Variants in IL31RA observed in about 807,000 individuals in gnomAD.
The protein encoded by IL31RA is interleukin 31 receptor A, also known as interleukin-31 receptor subunit alpha.
Under a neutral mutation model 83.7 loss-of-function variants are expected in IL31RA, and 66 were observed. That is an observed-to-expected ratio of 0.79 (90% CI 0.65 to 0.97). The LOEUF is 0.97. IL31RA is among the 50% of genes least tolerant of loss of function. IL31RA has a pLI of 0.00. For synonymous variants in IL31RA, 325 were observed against 329.0 expected (o/e 0.99, Z 0.13); for missense variants, 798 against 919.4 (o/e 0.87, Z 1.71).
At chr5:55,845,805 C>T in the IL31RA span, among the ~76,000 whole-genome samples, 62 of 152,120 alleles carry the variant, frequency 4.1e-4, no homozygotes, top group Non-Finnish European at 5.1e-4. Flanking sequence ...AGTGTGAGAA[C>T]GGACTAATAC....
rs754856695 is a variant in IL31RA, at chr5:55,916,851, T to G, written c.2026T>G (p.Phe676Val). ...GEKNGYVTCP[F>V]RPDCPLGKSF... ...AAAGAATGGGTATGTGACCTGCCCCTTCAGGCCTGATTGTCCCCTGGGGAA... is the reference window on the plus strand; with the variant it reads ...AAAGAATGGGTATGTGACCTGCCCCGTCAGGCCTGATTGTCCCCTGGGGAA... Residue 676 changes from phenylalanine (F) to valine (V), a missense_variant, in exon 15 of 15, where the codon TTC becomes GTC. By Grantham distance (50) the Phe-to-Val change is conservative. Coordinates refer to ENST00000652347, the MANE Select transcript of IL31RA (RefSeq NM_139017.7). The G allele has an allele frequency of 2.1e-5, 34 of 1,614,066 alleles. No homozygotes were observed. In the South Asian group the frequency reaches 3.7e-4, roughly 18 times the overall value.
chr5:55,880,806 A>T (rs1013579956), intron 4 of IL31RA, among the ~76,000 whole-genome samples: 5 of 152,248 alleles, frequency 3.3e-5, no homozygotes, highest in Non-Finnish European at 7.3e-5. Flanking sequence ...GATCAAGACC[A>T]GCCTTTGTCC....
chr5:55,855,619 C>A (rs896872627), intron 1 of IL31RA, among the ~76,000 whole-genome samples: 2 of 152,100 alleles, frequency 1.3e-5, no homozygotes, highest in African/African-American at 4.8e-5. Context: ...TGTGAAGTAT[C>A]CATTTTATGG....
chr5:55,867,120 TG>T (rs1746119748), intron 2 of IL31RA, among the ~76,000 whole-genome samples: 4 of 135,020 alleles, frequency 3.0e-5, no homozygotes, highest in South Asian at 5.0e-4. Context: ...TGCATGTGTG[TG>T]TTTGTGTGTG....
intron 5 of IL31RA, among the ~76,000 whole-genome samples, chr5:55,886,636 T>G (rs1198970096): frequency 6.6e-6 from 1 of 152,184 alleles, no homozygotes; most frequent in Non-Finnish European, 1.5e-5. Context: ...AACCCAACTC[T>G]GCTCTTCCCA....
In IL31RA at chr5:55,913,699, G is replaced by T; in HGVS notation, c.1736+129G>T. On this transcript the variant is annotated intron_variant, in intron 13 of 14. Coordinates refer to ENST00000652347, the MANE Select transcript of IL31RA (RefSeq NM_139017.7). ...GTTCATTCATTTATTAACTTGGTGC[G>T]TATTTATTGAGGTTATTAAAGGCCA... is the stretch of plus-strand genomic sequence containing the variant. 21 of 727,486 alleles carry T rather than the reference G, an allele frequency of 2.9e-5. 1 individual carries two copies. Among genetic ancestry groups the T allele is most frequent in the South Asian group, 2.8e-4 (19 of 68,460 alleles). The allele number at this position is 727,486 out of a possible 1,614,324, so 45.1% of individuals were successfully genotyped here. A position where few individuals can be genotyped will look rare whatever the true frequency, so the allele number is the denominator to read the frequency against.
In IL31RA at chr5:55,899,963, A is replaced by G; in HGVS notation, c.900A>G (p.Ile300Met). The change falls in exon 8 of 15, where the codon ATA becomes ATG. Residue 300 changes from isoleucine to methionine, a missense_variant. By Grantham distance (10) the Ile-to-Met change is conservative (BLOSUM62 1). Coordinates refer to ENST00000652347, the MANE Select transcript of IL31RA (RefSeq NM_139017.7). ...TAGAGAAAACACTTGGCTACAACAT[A>G]TGGTACTATCCAGAAAGCAACACTA... ...PVLEKTLGYN[I>M]WYYPESNTNL... 3.1e-6 allele frequency: 5 copies of G among 1,614,226 alleles called. No homozygotes were observed. Among genetic ancestry groups the G allele is most frequent in the Non-Finnish European group, 4.2e-6 (5 of 1,180,024 alleles).
Position 55,888,004 on chromosome 5 carries a change from C to T in IL31RA, c.607-1966C>T, listed in dbSNP as rs187773854. The stretch of plus-strand genomic sequence containing the variant: ...GGCAGAGGTTGCAGTGAGCCAAGAT[C>T]GTGCCACTGCACTCCAGCCTGGGCA... On this transcript the variant is annotated intron_variant, in intron 5 of 14. Coordinates refer to ENST00000652347, the MANE Select transcript of IL31RA (RefSeq NM_139017.7). 1.8e-3 allele frequency among the ~76,000 whole-genome samples: 267 copies of T among 150,624 alleles called. 3 individuals are homozygous for T. Among genetic ancestry groups the T allele is most frequent in the African/African-American group, 6.3e-3 (258 of 40,890 alleles).
At chr5:55,908,171 T>G in intron 10 of IL31RA, 94 bp from the exon 11 acceptor site, 1 of 1,570,762 alleles carries the variant, frequency 6.4e-7, no homozygotes, top group Non-Finnish European at 8.7e-7. Context: ...TCCAGCACTA[T>G]GGTTTGGTCT....
intron 6 of IL31RA, among the ~76,000 whole-genome samples, chr5:55,895,195 T>C (rs1220501265): frequency 1.3e-5 from 2 of 152,246 alleles, no homozygotes; most frequent in Admixed American, 6.5e-5. Context: ...GTGCAACTAC[T>C]GCAGCTTTGA....
chr5:55,841,358 C>T, the IL31RA span, among the ~76,000 whole-genome samples: 1 of 152,170 alleles, frequency 6.6e-6, no homozygotes, highest in Non-Finnish European at 1.5e-5. Context: ...TTTCTTAAAA[C>T]TAAGTTACTT....
intron 4 of IL31RA, among the ~76,000 whole-genome samples, chr5:55,875,476 C>A (rs1183493527): frequency 6.6e-6 from 1 of 152,002 alleles, no homozygotes; most frequent in African/African-American, 2.4e-5. Flanking sequence ...TCAGTGAAGC[C>A]ATCTGGGCCT....
chr5:55,909,368 T>C (rs765447562), intron 11 of IL31RA, among the ~76,000 whole-genome samples: 3 of 152,228 alleles, frequency 2.0e-5, no homozygotes, highest in Non-Finnish European at 2.9e-5. Context: ...TACGAACATA[T>C]GCTGCTGTGT....
chr5:55,911,770 TAAA>T (rs1749515493), intron 12 of IL31RA, among the ~76,000 whole-genome samples: 1 of 152,192 alleles, frequency 6.6e-6, no homozygotes, highest in South Asian at 2.1e-4. Flanking sequence ...AAAACTGTCT[TAAA>T]GAATGAACAA....
chr5:55,887,269 C>T (rs973562065), intron 5 of IL31RA, among the ~76,000 whole-genome samples: 1 of 152,178 alleles, frequency 6.6e-6, no homozygotes, highest in Non-Finnish European at 1.5e-5. Flanking sequence ...TTCAAGATCA[C>T]AGGGCTTGTC....
chr5:55,876,468 T>C (rs1237963486), intron 4 of IL31RA, among the ~76,000 whole-genome samples: 2 of 152,206 alleles, frequency 1.3e-5, no homozygotes, highest in East Asian at 3.8e-4. Context: ...TTTACAGTGA[T>C]AATTTGCTTA....
At position 55,918,359 on chromosome 5, in the gene IL31RA, C is replaced by G. The variant is rs972257407; in HGVS notation, c.*1239C>G. 3.9e-5 allele frequency among the ~76,000 whole-genome samples: 6 copies of G among 152,182 alleles called. No homozygotes were observed. Among genetic ancestry groups the G allele is most frequent in the African/African-American group, 2.4e-5 (1 of 41,440 alleles). On this transcript the variant is annotated 3_prime_UTR_variant, in exon 15 of 15. Transcript: ENST00000652347. ...GTACTAGGATTGCAGGCATGAACTT[C>G]GCAAGCCACCCACTCAGGTGTGCAA... is the stretch of plus-strand genomic sequence containing the variant.
chr5:55,859,663 G>A (rs1327644802), intron 2 of IL31RA, 64 bp downstream of exon 2: 11 of 1,175,672 alleles, frequency 9.4e-6, no homozygotes, highest in Middle Eastern at 1.9e-4. Context: ...GACAAGAGTT[G>A]TTAACTTTAA....
intron 8 of IL31RA, among the ~76,000 whole-genome samples, chr5:55,905,668 A>G (rs1158420610): frequency 6.6e-6 from 1 of 152,222 alleles, no homozygotes; most frequent in Non-Finnish European, 1.5e-5. Flanking sequence ...CAGACTATAT[A>G]GTGAAAGCGT....
Sources: gnomAD v4.1 joint callset for allele counts (sites outside exome capture counted in the v4.1 genomes callset) on GRCh38, gnomAD v4.1.1 for gene constraint, MANE v1.5 for transcripts, NCBI Gene and HGNC (gene_info 2026-07-23, HGNC 2026-07-21) for gene names.